The following SHQ1 variants were observed in gnomAD, a reference collection of about 807,000 sequenced individuals.
SHQ1 encodes the protein SHQ1, H/ACA ribonucleoprotein assembly factor.
SHQ1 carries 49 observed loss-of-function variants against 53.8 expected under a neutral mutation model. That is an observed-to-expected ratio of 0.91 (90% confidence interval 0.72 to 1.16). The LOEUF (loss-of-function observed/expected upper bound fraction) is 1.16. SHQ1 is among the 50% of genes most tolerant of loss of function. SHQ1 has a pLI of 0.00. For missense variants in SHQ1, 738 were observed against 683.1 expected, an observed-to-expected ratio of 1.08 and a Z score of -0.90; for synonymous variants, 243 against 251.0, an observed-to-expected ratio of 0.97 and a Z score of 0.30.
intron 10 of SHQ1, among the ~76,000 whole-genome samples, chr3:72,787,788 C>G (rs1706285324): frequency 6.6e-6 from 1 of 151,974 alleles, no homozygotes; most frequent in Non-Finnish European, 1.5e-5. Context: ...TGTACTGCCG[C>G]CATCTCGACT....
At chr3:72,773,008 G>C in intron 10 of SHQ1, 2 of 1,174,308 alleles carry the variant, frequency 1.7e-6, no homozygotes, top group Non-Finnish European at 2.5e-6. Flanking sequence ...TTCCAAATCT[G>C]AAGAACATCA....
intron 3 of SHQ1, 144 bp downstream of exon 3, chr3:72,842,136 T>A (rs1708193616): frequency 3.6e-6 from 3 of 843,162 alleles, no homozygotes; most frequent in Non-Finnish European, 3.4e-6. Context: ...AAAGAAGCTA[T>A]TTTCATATGG....
chr3:72,725,584 TTA>T, the SHQ1 span, among the ~76,000 whole-genome samples: 3 of 152,202 alleles, frequency 2.0e-5, no homozygotes, highest in Non-Finnish European at 4.4e-5. Context: ...CACTCTGAAA[TTA>T]TCTTAATGAC....
intron 10 of SHQ1, chr3:72,772,752 T>C (rs1399560438): frequency 4.0e-6 from 3 of 750,048 alleles, no homozygotes; most frequent in South Asian, 1.4e-5. Context: ...TGGATGATCT[T>C]CATGGAATCC....
At position 72,812,273 on chromosome 3, in the gene SHQ1, T is replaced by A. The variant is rs147215509; in HGVS notation, c.1060+398A>T. 2.4e-3 allele frequency among the ~76,000 whole-genome samples: 360 copies of A among 152,342 alleles called. 2 individuals carry two copies. The highest frequency in any genetic ancestry group is 8.4e-3 in the African/African-American group (350 of 41,572). On this transcript the variant is annotated intron_variant, in intron 9 of 10. Transcript: ENST00000325599. ...TTTGGAATTGCTAACTTACCCATCA[T>A]CTGTCTGACAAAACTGTAAACTTCA...
At chr3:72,793,616 T>C (rs1198966202) in intron 9 of SHQ1, 1 of 152,012 alleles carries the variant, frequency 6.6e-6, no homozygotes, top group African/African-American at 2.4e-5. Context: ...GTCAATTAAA[T>C]GAAAGGCAGG....
chr3:72,751,958 C>T (rs1204067209), intron 10 of SHQ1, among the ~76,000 whole-genome samples: 1 of 152,066 alleles, frequency 6.6e-6, no homozygotes, highest in African/African-American at 2.4e-5. Flanking sequence ...CCAGAAAGCC[C>T]CATGTCTGAA....
chr3:72,837,878 G>C (rs1708049775), intron 4 of SHQ1, among the ~76,000 whole-genome samples: 1 of 152,198 alleles, frequency 6.6e-6, no homozygotes, highest in Non-Finnish European at 1.5e-5. Flanking sequence ...GATTTCTGTG[G>C]CAATATTTCA....
At chr3:72,795,331 C>A (rs962115947) in intron 9 of SHQ1, 4 of 152,194 alleles carry the variant, frequency 2.6e-5, no homozygotes, top group South Asian at 2.1e-4. Flanking sequence ...CAAAGTGGCA[C>A]AGGTTAACTA....
chr3:72,830,614 T>C (rs17010207), intron 5 of SHQ1, among the ~76,000 whole-genome samples: 7,090 of 152,054 alleles, frequency 0.047, 469 homozygotes, highest in African/African-American at 0.15. Flanking sequence ...CTAATATAAA[T>C]AGTGAGTAGT....
intron 10 of SHQ1, among the ~76,000 whole-genome samples, chr3:72,765,580 G>T (rs1705711078): frequency 1.9e-5 from 2 of 103,906 alleles, no homozygotes; most frequent in Non-Finnish European, 3.4e-5. Flanking sequence ...TTTTGAGACA[G>T]TCTCACTCTG....
intron 9 of SHQ1, among the ~76,000 whole-genome samples, chr3:72,811,935 A>T (rs767857711): frequency 6.6e-6 from 1 of 152,212 alleles, no homozygotes; most frequent in Non-Finnish European, 1.5e-5. Context: ...ACTAAAAGTG[A>T]CTTTTAAATA....
At chr3:72,725,935 C>T in the SHQ1 span, among the ~76,000 whole-genome samples, 1 of 152,244 alleles carries the variant, frequency 6.6e-6, no homozygotes, top group African/African-American at 2.4e-5. Context: ...GCACTTTACG[C>T]ATATTATTTA....
intron 4 of SHQ1, among the ~76,000 whole-genome samples, chr3:72,833,527 T>TA (rs57892848): frequency 3.0e-5 from 4 of 133,310 alleles, no homozygotes; most frequent in East Asian, 2.3e-4. Context: ...GATAGATGGA[T>TA]GATAGACAGA....
downstream of SHQ1, among the ~76,000 whole-genome samples, chr3:72,746,531 C>A (rs1705262290): frequency 6.6e-6 from 1 of 152,220 alleles, no homozygotes; most frequent in Non-Finnish European, 1.5e-5. Flanking sequence ...CCTCCATGAA[C>A]AAAGAAAGGG....
At chr3:72,736,792 CAAA>C in the SHQ1 span, among the ~76,000 whole-genome samples, 13,976 of 100,472 alleles carry the variant, frequency 0.14, 677 homozygotes, top group Non-Finnish European at 0.16. Flanking sequence ...GACTCCGTTT[CAAA>C]AAAAAAAAAA....
intron 10 of SHQ1, among the ~76,000 whole-genome samples, chr3:72,783,052 A>C (rs566175057): frequency 9.8e-5 from 15 of 152,312 alleles, no homozygotes; most frequent in African/African-American, 3.6e-4. Flanking sequence ...AGATGAAGGA[A>C]AATAGCAATT....
At chr3:72,842,523 G>A (rs1312650349) in intron 2 of SHQ1, 121 bp from the exon 3 acceptor site, 2 of 760,300 alleles carry the variant, frequency 2.6e-6, no homozygotes, top group African/African-American at 3.5e-5. Flanking sequence ...TAGCCCAGGA[G>A]TTCAAGACCA....
chr3:72,776,733 G>A (rs1029525983), intron 10 of SHQ1, among the ~76,000 whole-genome samples: 6 of 152,126 alleles, frequency 3.9e-5, no homozygotes, highest in African/African-American at 1.4e-4. Flanking sequence ...AAATGTTTTA[G>A]TCTCTCCAAA....
Sources: allele counts gnomAD v4.1 joint callset (sites outside exome capture counted in the v4.1 genomes callset), GRCh38; gene constraint gnomAD v4.1.1; transcripts MANE v1.5; gene names NCBI Gene and HGNC (gene_info 2026-07-23, HGNC 2026-07-21).